The following PTPRM variants were observed in gnomAD, a reference collection of about 807,000 sequenced individuals.
PTPRM encodes protein tyrosine phosphatase receptor type M.
A neutral mutation model predicts 186.7 loss-of-function variants in PTPRM; 47 were observed. The observed-to-expected ratio is 0.25, with a 90% confidence interval of 0.20 to 0.32. The LOEUF (loss-of-function observed/expected upper bound fraction) is 0.32. Among genes scored for constraint, PTPRM ranks in the 10% least tolerant of loss-of-function variants. The pLI is 1.00. For missense variants in PTPRM, 1,494 were observed against 1,865.0 expected, an observed-to-expected ratio of 0.80 and a Z score of 3.66; for synonymous variants, 668 against 674.9, an observed-to-expected ratio of 0.99 and a Z score of 0.16.
intron 7 of PTPRM, among the ~76,000 whole-genome samples, chr18:8,068,667 A>G (rs1265815559): frequency 1.3e-5 from 2 of 152,228 alleles, no homozygotes; most frequent in Non-Finnish European, 1.5e-5. Context: ...TTGAAATCCA[A>G]AAATACCTGC....
chr18:8,082,185 A>C (rs1047589859), intron 9 of PTPRM, among the ~76,000 whole-genome samples: 4 of 152,200 alleles, frequency 2.6e-5, no homozygotes, highest in Non-Finnish European at 4.4e-5. Flanking sequence ...GATCAGGAAA[A>C]GAATAAGACA....
chr18:7,862,780 G>C (rs1310551865), intron 2 of PTPRM, among the ~76,000 whole-genome samples: 1 of 152,052 alleles, frequency 6.6e-6, no homozygotes, highest in African/African-American at 2.4e-5. Flanking sequence ...AATCTAAAGA[G>C]GACATGATTC....
intron 23 of PTPRM, among the ~76,000 whole-genome samples, chr18:8,343,734 G>A (rs759692978): frequency 6.6e-6 from 1 of 152,166 alleles, no homozygotes; most frequent in African/African-American, 2.4e-5. Flanking sequence ...GACAGGAAAG[G>A]CACTCAAGAT....
chr18:7,911,969 C>T (rs906536873), intron 4 of PTPRM, among the ~76,000 whole-genome samples: 10 of 149,800 alleles, frequency 6.7e-5, no homozygotes, highest in Non-Finnish European at 1.5e-4. Flanking sequence ...TCTCCTGCCT[C>T]AGCCTCCTGA....
chr18:8,348,174 A>G (rs998813295), intron 23 of PTPRM, among the ~76,000 whole-genome samples: 1 of 152,274 alleles, frequency 6.6e-6, no homozygotes, highest in South Asian at 2.1e-4. Flanking sequence ...TGCGTCCTTC[A>G]TGCATTAAGC....
chr18:8,047,002 G>A (rs886223873), intron 7 of PTPRM, among the ~76,000 whole-genome samples: 9 of 152,038 alleles, frequency 5.9e-5, no homozygotes, highest in Non-Finnish European at 8.8e-5. Context: ...CCAAATAAAG[G>A]TTTTTTCTTA....
At chr18:7,905,958 A>C (rs1057401353) in intron 3 of PTPRM, among the ~76,000 whole-genome samples, 1 of 152,146 alleles carries the variant, frequency 6.6e-6, no homozygotes, top group Non-Finnish European at 1.5e-5. Flanking sequence ...CCACAATCCA[A>C]ATGTGTGTAT....
chr18:8,245,248 G>A (rs1455150131), intron 15 of PTPRM, among the ~76,000 whole-genome samples: 2 of 152,060 alleles, frequency 1.3e-5, no homozygotes, highest in Admixed American at 6.6e-5. Context: ...TCGTACACGC[G>A]GCTGAGCTCC....
chr18:7,861,207 G>A (rs944873654), intron 2 of PTPRM, among the ~76,000 whole-genome samples: 2 of 152,096 alleles, frequency 1.3e-5, no homozygotes, highest in African/African-American at 4.8e-5. Flanking sequence ...AATGTATGAT[G>A]TTTCAACCTT....
At position 7,906,603 on chromosome 18, in the gene PTPRM, A is replaced by T. The variant is rs1166030462; in HGVS notation, c.547+20A>T. 5 of 1,549,522 alleles carry T rather than the reference A, an allele frequency of 3.2e-6. No individual in the cohort carries two copies. Among genetic ancestry groups the T allele is most frequent in the Non-Finnish European group, 4.4e-6 (5 of 1,125,088 alleles). ...CATGTAGTAAGTTGTCTTTATTTGT[A>T]AATATTCGGGTACATCATTGGGGGC... is the stretch of plus-strand genomic sequence containing the variant. On this transcript the variant is annotated intron_variant, in intron 4 of 32. Transcript: ENST00000580170.
intron 19 of PTPRM, among the ~76,000 whole-genome samples, chr18:8,285,682 C>A (rs1044602953): frequency 2.0e-5 from 3 of 152,150 alleles, no homozygotes; most frequent in South Asian, 4.1e-4. Context: ...TTTCTATTAT[C>A]TTTACCTGAG....
chr18:7,634,024 AG>A (rs2038253609), intron 1 of PTPRM, among the ~76,000 whole-genome samples: 1 of 152,086 alleles, frequency 6.6e-6, no homozygotes, highest in South Asian at 2.1e-4. Context: ...ATCTTTTCCA[AG>A]GCCCGCTGGG....
At chr18:7,838,073 G>A (rs1193882674) in intron 2 of PTPRM, among the ~76,000 whole-genome samples, 1 of 152,142 alleles carries the variant, frequency 6.6e-6, no homozygotes, top group Admixed American at 6.5e-5. Context: ...TCAGGCTGCT[G>A]TGAAGAACTG....
At chr18:8,297,781 T>C (rs2095112733) in intron 20 of PTPRM, among the ~76,000 whole-genome samples, 1 of 152,190 alleles carries the variant, frequency 6.6e-6, no homozygotes, top group African/African-American at 2.4e-5. Context: ...CATGCTGCTT[T>C]CCCTCCGGCC....
intron 5 of PTPRM, among the ~76,000 whole-genome samples, chr18:7,934,860 G>T (rs2051705043): frequency 6.6e-6 from 1 of 152,162 alleles, no homozygotes; most frequent in African/African-American, 2.4e-5. Context: ...TGCAGAAAAA[G>T]ACATAGATAG....
chr18:8,328,858 G>A (rs561082691), intron 22 of PTPRM, among the ~76,000 whole-genome samples: 2 of 152,284 alleles, frequency 1.3e-5, no homozygotes, highest in East Asian at 3.9e-4. Context: ...TCAAAAGATA[G>A]TTGCCAATTA....
In PTPRM at chr18:7,955,227, C is replaced by G; in HGVS notation, c.945C>G (p.Ala315=). The G allele has an allele frequency of 6.2e-7, 1 of 1,614,098 alleles. No homozygotes were observed. The highest frequency in any genetic ancestry group is 8.5e-7 in the Non-Finnish European group (1 of 1,180,024). Residue 315 remains alanine, a synonymous_variant, in exon 7 of 33, where the codon GCC becomes GCG. Coordinates refer to ENST00000580170, the MANE Select transcript of PTPRM (RefSeq NM_001105244.2). The part of the protein sequence containing the change: ...NSINGDGPIV[A]REVEYCTASG... ...TCAATGGGGATGGGCCCATTGTGGC[C>G]CGAGAGGTGGAGTACTGCACGGCCA...
chr18:8,156,251 A>C (rs189195447), intron 14 of PTPRM, among the ~76,000 whole-genome samples: 1 of 152,296 alleles, frequency 6.6e-6, no homozygotes, highest in Admixed American at 6.5e-5. Flanking sequence ...CTCTTTTTAA[A>C]GAAGATTTTA....
At chr18:8,390,970 A>AT (rs58031271) in intron 31 of PTPRM, among the ~76,000 whole-genome samples, 1,528 of 149,690 alleles carry the variant, frequency 0.01, 20 homozygotes, top group African/African-American at 0.035. Context: ...AATAATAATA[A>AT]AGATGTCCCG....
Sources: allele counts gnomAD v4.1 joint callset (sites outside exome capture counted in the v4.1 genomes callset), GRCh38; gene constraint gnomAD v4.1.1; transcripts MANE v1.5; gene names NCBI Gene and HGNC (gene_info 2026-07-23, HGNC 2026-07-21).